ADGRL2: variants seen among roughly 807,000 people sequenced by gnomAD.
ADGRL2 encodes calcium-independent alpha-latrotoxin receptor 2.
A neutral mutation model predicts 157.4 loss-of-function variants in ADGRL2; 44 were observed. That is an observed-to-expected ratio of 0.28 (90% confidence interval 0.22 to 0.36). The LOEUF (loss-of-function observed/expected upper bound fraction) is 0.36, where lower values mean the gene tolerates loss of function less well. Ranked by LOEUF, ADGRL2 falls within the 10% of genes least tolerant of loss-of-function variation. ADGRL2 has a pLI of 1.00. For synonymous variants in ADGRL2, 585 were observed against 624.7 expected, an observed-to-expected ratio of 0.94 and a Z score of 0.95; for missense variants, 1,510 against 1,768.9, an observed-to-expected ratio of 0.85 and a Z score of 2.63.
At chr1:81,498,465 A>C (rs1367524109) in intron 2 of ADGRL2, among the ~76,000 whole-genome samples, 2 of 152,222 alleles carry the variant, frequency 1.3e-5, no homozygotes, top group Admixed American at 6.5e-5. Flanking sequence ...GAAGAGGTTT[A>C]TATCTCTTTT....
chr1:81,478,231 G>A (rs753368193), intron 2 of ADGRL2, among the ~76,000 whole-genome samples: 2 of 152,182 alleles, frequency 1.3e-5, no homozygotes, highest in Non-Finnish European at 2.9e-5. Flanking sequence ...ACATCGGAGA[G>A]GTGAGGTATC....
intron 2 of ADGRL2, among the ~76,000 whole-genome samples, chr1:81,496,945 TA>T (rs1362011691): frequency 1.3e-5 from 2 of 152,300 alleles, no homozygotes; most frequent in Middle Eastern, 3.4e-3. Context: ...TCTACCTGAT[TA>T]TTTTTTTTCT....
In ADGRL2 at chr1:81,395,689, A is replaced by C. The variant is rs147860785; in HGVS notation, c.-301-49347A>C. The stretch of plus-strand genomic sequence containing the variant: ...TTATAGTTTCAGTGTTTACATTTAA[A>C]TATTTAACCCATTTTGAGTCAGCTT... On this transcript the variant is annotated intron_variant, in intron 1 of 24. Coordinates refer to the ADGRL2 transcript ENST00000370721. Among the ~76,000 whole-genome samples the C allele has an allele frequency of 2.2e-3, 338 of 152,248 alleles. 5 individuals carry two copies. In the East Asian group the frequency reaches 0.026, roughly 12 times the overall value.
intron 2 of ADGRL2, among the ~76,000 whole-genome samples, chr1:81,855,038 G>A (rs533255790): frequency 6.0e-4 from 91 of 152,238 alleles, no homozygotes; most frequent in Non-Finnish European, 1.1e-3. Flanking sequence ...TATTGAAAGC[G>A]TTGAGAATAT....
At chr1:81,477,279 T>C (rs35359389) in intron 2 of ADGRL2, among the ~76,000 whole-genome samples, 2 of 152,102 alleles carry the variant, frequency 1.3e-5, no homozygotes, top group African/African-American at 4.8e-5. Context: ...TAGGCTGTCA[T>C]ATCGTAAAGC....
At chr1:81,764,129 T>C (rs2086017063) in intron 2 of ADGRL2, among the ~76,000 whole-genome samples, 1 of 148,886 alleles carries the variant, frequency 6.7e-6, no homozygotes, top group Non-Finnish European at 1.5e-5. Context: ...GAGGTGGAGA[T>C]TGCAGTGAGC....
intron 1 of ADGRL2, among the ~76,000 whole-genome samples, chr1:81,728,684 T>A (rs2084620882): frequency 6.6e-6 from 1 of 152,054 alleles, no homozygotes; most frequent in Non-Finnish European, 1.5e-5. Flanking sequence ...TGGGGCTGTC[T>A]CCTCTCGCCG....
At chr1:81,920,552 C>G (rs2094954445) in intron 3 of ADGRL2, among the ~76,000 whole-genome samples, 2 of 152,106 alleles carry the variant, frequency 1.3e-5, no homozygotes, top group African/African-American at 4.8e-5. Context: ...CCAATGAATG[C>G]CAGAGTACAA....
intron 1 of ADGRL2, among the ~76,000 whole-genome samples, chr1:81,409,614 G>C (rs1250996221): frequency 6.6e-6 from 1 of 152,162 alleles, no homozygotes; most frequent in Admixed American, 6.5e-5. Context: ...AACAATTACT[G>C]TTACTGATCA....
intron 1 of ADGRL2, among the ~76,000 whole-genome samples, chr1:81,377,073 T>C (rs2076263582): frequency 6.6e-6 from 1 of 152,216 alleles, no homozygotes; most frequent in East Asian, 1.9e-4. Flanking sequence ...CGCACCTGTA[T>C]AGTCCTAAGC....
intron 3 of ADGRL2, among the ~76,000 whole-genome samples, chr1:81,914,868 A>G (rs1012413232): frequency 4.6e-5 from 7 of 152,166 alleles, no homozygotes; most frequent in Admixed American, 3.3e-4. Context: ...CATACTTTGC[A>G]TGTCACTTAC....
intron 1 of ADGRL2, among the ~76,000 whole-genome samples, chr1:81,702,642 CA>C (rs1181014591): frequency 1.3e-5 from 2 of 151,930 alleles, no homozygotes; most frequent in Non-Finnish European, 2.9e-5. Flanking sequence ...GGAAACAAAA[CA>C]AAAACAAAAA....
At chr1:81,408,335 C>T (rs1382263970) in intron 1 of ADGRL2, among the ~76,000 whole-genome samples, 1 of 151,872 alleles carries the variant, frequency 6.6e-6, no homozygotes, top group Non-Finnish European at 1.5e-5. Context: ...TAAATTTCTT[C>T]CTATTTCTTC....
chr1:81,515,705 C>G (rs758000540), intron 2 of ADGRL2, among the ~76,000 whole-genome samples: 17 of 152,136 alleles, frequency 1.1e-4, no homozygotes, highest in Non-Finnish European at 2.2e-4. Context: ...GCCTCACTTT[C>G]TAAAGATAAC....
chr1:81,622,711 T>A (rs1191529196), intron 3 of ADGRL2, among the ~76,000 whole-genome samples: 3 of 152,186 alleles, frequency 2.0e-5, no homozygotes, highest in African/African-American at 4.8e-5. Context: ...GCTATAATTG[T>A]GCCACCGTAC....
intron 1 of ADGRL2, among the ~76,000 whole-genome samples, chr1:81,707,181 A>G (rs1187597633): frequency 6.6e-6 from 1 of 152,132 alleles, no homozygotes; most frequent in Non-Finnish European, 1.5e-5. Flanking sequence ...GAAAAACTTG[A>G]TGACTAAGGT....
At chr1:81,632,419 A>G (rs868116728) in intron 3 of ADGRL2, among the ~76,000 whole-genome samples, 2 of 152,172 alleles carry the variant, frequency 1.3e-5, no homozygotes, top group Non-Finnish European at 2.9e-5. Context: ...AGAGGGAAGA[A>G]GGGCAAAGGC....
chr1:81,880,466 A>G (rs1312634341), intron 2 of ADGRL2, among the ~76,000 whole-genome samples: 1 of 152,202 alleles, frequency 6.6e-6, no homozygotes, highest in Non-Finnish European at 1.5e-5. Context: ...TCTCAGTACC[A>G]GGAAGAAGTA....
chr1:81,803,046 G>T (rs1386649396), intron 1 of ADGRL2, among the ~76,000 whole-genome samples: 1 of 152,138 alleles, frequency 6.6e-6, no homozygotes, highest in Non-Finnish European at 1.5e-5. Context: ...GGGCAGCAGC[G>T]GGCCGCGTTG....
Sources: gnomAD v4.1 joint callset for allele counts (sites outside exome capture counted in the v4.1 genomes callset) on GRCh38, gnomAD v4.1.1 for gene constraint, MANE v1.5 for transcripts, NCBI Gene and HGNC (gene_info 2026-07-23, HGNC 2026-07-21) for gene names.